Variants in TMPRSS4 observed in about 807,000 individuals in gnomAD.
TMPRSS4 encodes transmembrane serine protease 4.
In TMPRSS4, 45 loss-of-function variants were observed where a neutral mutation model predicts 56.4. That is an observed-to-expected ratio of 0.80 (90% confidence interval 0.63 to 1.02). TMPRSS4 has a LOEUF of 1.02. Ranked by LOEUF, TMPRSS4 falls within the 50% of genes least tolerant of loss-of-function variation. The pLI is 0.00. For missense variants in TMPRSS4, 546 were observed against 556.7 expected, an observed-to-expected ratio of 0.98 and a Z score of 0.19; for synonymous variants, 205 against 211.0, an observed-to-expected ratio of 0.97 and a Z score of 0.25.
intron 1 of TMPRSS4, among the ~76,000 whole-genome samples, chr11:118,088,034 C>T (rs1223829050): frequency 1.3e-5 from 2 of 152,212 alleles, no homozygotes; most frequent in Admixed American, 6.5e-5. Context: ...GGGGCAATCT[C>T]TGCATGATGA....
intron 2 of TMPRSS4, among the ~76,000 whole-genome samples, chr11:118,096,855 G>GA (rs1182367781): frequency 4.4e-5 from 1 of 22,634 alleles, no homozygotes; most frequent in African/African-American, 2.1e-4. Context: ...AGGAAAGAAA[G>GA]AAAGAAAGAA....
intron 1 of TMPRSS4, among the ~76,000 whole-genome samples, chr11:118,085,740 T>A (rs948782556): frequency 6.6e-6 from 1 of 152,180 alleles, no homozygotes; most frequent in Non-Finnish European, 1.5e-5. Context: ...CTGAACTGTG[T>A]GGCGGGACCC....
intron 2 of TMPRSS4, among the ~76,000 whole-genome samples, chr11:118,097,419 A>G (rs534151672): frequency 4.6e-5 from 7 of 152,234 alleles, no homozygotes; most frequent in African/African-American, 1.7e-4. Context: ...AAAGACTGGG[A>G]GGAGGACAGG....
rs1417215710 is a variant in TMPRSS4, at chr11:118,077,289, A to G, written c.-14A>G. On this transcript the variant is annotated 5_prime_UTR_variant, in exon 1 of 13. Transcript: ENST00000437212. ...TCCAGGCTACAGGGAGACCGGGAGG[A>G]TCACAGAGCCAGCATGGTGAGTGTG... is the stretch of plus-strand genomic sequence containing the variant. The G allele has an allele frequency of 4.4e-6, 7 of 1,602,156 alleles. No individual in the cohort carries two copies. The highest frequency in any genetic ancestry group is 1.7e-4 in the Middle Eastern group (1 of 6,042).
Position 118,117,444 on chromosome 11 carries a change from A to G in TMPRSS4, c.1292A>G (p.Asn431Ser), listed in dbSNP as rs766115082. 3.1e-6 allele frequency: 5 copies of G among 1,613,350 alleles called. 1 individual carries two copies. The South Asian group carries it at 5.5e-5, about 18-fold the overall frequency. Residue 431 changes from asparagine (N) to serine (S), a missense_variant, in exon 12 of 13, where the codon AAT (asparagine) becomes AGT (serine). Physicochemically the swap from Asn to Ser is conservative, Grantham distance 46. Transcript: ENST00000437212. ...TCAGCCTATCTCAACTGGATCTACAATGTCTGGAAGGTAAGGTACCTTTGC... is the reference window on the plus strand; with the variant it reads ...TCAGCCTATCTCAACTGGATCTACAGTGTCTGGAAGGTAAGGTACCTTTGC... ...KVSAYLNWIY[N>S]VWKAEL
At chr11:118,124,906 T>C (rs968914001), downstream of TMPRSS4, among the ~76,000 whole-genome samples, 1 of 152,214 alleles carries the variant, frequency 6.6e-6, no homozygotes, top group Admixed American at 6.5e-5. Context: ...GCATCCCCCA[T>C]CTTCCCGCCT....
chr11:118,117,824 G>T, intron 12 of TMPRSS4, 78 bp from the exon 13 acceptor site: 1 of 1,612,928 alleles, frequency 6.2e-7, no homozygotes. Context: ...AGAAAAGGAA[G>T]ACTCACGTTA....
intron 3 of TMPRSS4, among the ~76,000 whole-genome samples, chr11:118,101,044 G>C (rs1313998421): frequency 6.6e-6 from 1 of 152,154 alleles, no homozygotes; most frequent in Non-Finnish European, 1.5e-5. Context: ...AAAGAGCTAA[G>C]TAATATCTAG....
At chr11:118,113,926 A>G (rs140504776) in intron 9 of TMPRSS4, among the ~76,000 whole-genome samples, 1,605 of 152,324 alleles carry the variant, frequency 0.011, 30 homozygotes, top group African/African-American at 0.037. Context: ...TATTTAGATC[A>G]GGATTCCCAA....
chr11:118,097,001 AAAG>A (rs1366963152), intron 2 of TMPRSS4, among the ~76,000 whole-genome samples: 12 of 131,264 alleles, frequency 9.1e-5, no homozygotes, highest in African/African-American at 3.7e-4. Context: ...AGAAAGAAAG[AAAG>A]AAAGAAAGAA....
chr11:118,095,463 G>A (rs948465), intron 2 of TMPRSS4: 137,370 of 152,974 alleles, frequency 0.9, 61,879 homozygotes, highest in Non-Finnish European at 0.93. Flanking sequence ...CCTGCTTGAC[G>A]GGCTATGTAT....
intron 1 of TMPRSS4, among the ~76,000 whole-genome samples, chr11:118,093,601 G>A (rs754764658): frequency 2.0e-5 from 3 of 152,218 alleles, no homozygotes; most frequent in East Asian, 3.8e-4. Flanking sequence ...ATGCCTTTGC[G>A]TGTATTTGTG....
At chr11:118,109,092 C>T (rs1947146581) in intron 7 of TMPRSS4, among the ~76,000 whole-genome samples, 196 bp downstream of exon 7, 1 of 152,136 alleles carries the variant, frequency 6.6e-6, no homozygotes. Flanking sequence ...CTGGGTCTTT[C>T]CAAGCCCCAG....
At chr11:118,089,394 G>A (rs1945802166) in intron 1 of TMPRSS4, among the ~76,000 whole-genome samples, 1 of 152,204 alleles carries the variant, frequency 6.6e-6, no homozygotes, top group Admixed American at 6.5e-5. Context: ...GCCAGGTGAT[G>A]GCTTTTTTAT....
chr11:118,080,851 C>T (rs1565406283), intron 1 of TMPRSS4, among the ~76,000 whole-genome samples: 1 of 152,196 alleles, frequency 6.6e-6, no homozygotes, highest in Non-Finnish European at 1.5e-5. Flanking sequence ...GCCTCTTCTG[C>T]CCTCAGTCTT....
At chr11:118,112,329 A>G (rs1416244386) in intron 8 of TMPRSS4, among the ~76,000 whole-genome samples, 1 of 149,606 alleles carries the variant, frequency 6.7e-6, no homozygotes, top group Non-Finnish European at 1.5e-5. Flanking sequence ...TTCAGTCCAC[A>G]GAGAAGCCTG....
At position 118,104,584 on chromosome 11, in the gene TMPRSS4, C is replaced by A. The variant is rs1946890040; in HGVS notation, c.311-107C>A. The A allele has an allele frequency of 3.9e-5, 61 of 1,549,100 alleles. 1 individual carries two copies. In the South Asian group the frequency reaches 6.9e-4, roughly 18 times the overall value. ...TGAAAGTGTTGGGGCTCTGTGGCAC[C>A]CCCAGTTCTAGGTTGGGGGAGCTTG... On this transcript the variant is annotated intron_variant, in intron 4 of 12. Transcript: ENST00000437212.
At chr11:118,094,386 A>G (rs1266454245) in intron 1 of TMPRSS4, among the ~76,000 whole-genome samples, 1 of 152,228 alleles carries the variant, frequency 6.6e-6, no homozygotes, top group Non-Finnish European at 1.5e-5. Context: ...TTTGCCTGAT[A>G]AGTAATGATA....
At chr11:118,116,413 G>T (rs592009) in intron 11 of TMPRSS4, among the ~76,000 whole-genome samples, 144,611 of 152,306 alleles carry the variant, frequency 0.95, 68,704 homozygotes, top group Middle Eastern at 0.97. Flanking sequence ...GGGAAAGGGG[G>T]GCATTAAACA....
Sources: gnomAD v4.1 joint callset for allele counts (sites outside exome capture counted in the v4.1 genomes callset) on GRCh38, gnomAD v4.1.1 for gene constraint, MANE v1.5 for transcripts, NCBI Gene and HGNC (gene_info 2026-07-23, HGNC 2026-07-21) for gene names.